The following SPAG16 variants were observed in gnomAD, a reference collection of about 807,000 sequenced individuals.
SPAG16 encodes sperm-associated antigen 16 protein.
In SPAG16, 86 loss-of-function variants were observed where a neutral mutation model predicts 80.4. That is an observed-to-expected ratio of 1.07 (90% CI 0.90 to 1.28). SPAG16 has a LOEUF of 1.28. Among genes scored for constraint, SPAG16 ranks in the 50% most tolerant of loss-of-function variants. The pLI, the probability that SPAG16 is intolerant of heterozygous loss-of-function variation, is 0.00. For synonymous variants in SPAG16, 294 were observed against 265.9 expected (o/e 1.11, Z -1.03); for missense variants, 870 against 765.3 (o/e 1.14, Z -1.61).
chr2:214,391,573 C>T (rs1380479891), intron 15 of SPAG16, among the ~76,000 whole-genome samples: 1 of 152,064 alleles, frequency 6.6e-6, no homozygotes, highest in Admixed American at 6.5e-5. Context: ...TAGAAACACA[C>T]AAGGCCAAAG....
At position 214,015,259 on chromosome 2, in the gene SPAG16, G is replaced by A. The variant is rs1467201458; in HGVS notation, c.1527+1182G>A. ...TCTCTTATCAGGCTAAAAGAGGAAG[G>A]GCAGTATCAGGTGGCTGGTTGATAT... is the stretch of plus-strand genomic sequence containing the variant. On this transcript the variant is annotated intron_variant, in intron 13 of 15. Coordinates refer to ENST00000331683, the MANE Select transcript of SPAG16 (RefSeq NM_024532.5). 3.3e-5 allele frequency among the ~76,000 whole-genome samples: 5 copies of A among 152,272 alleles called. No individual in the cohort carries two copies. The South Asian group carries it at 1.0e-3, about 32-fold the overall frequency.
intron 14 of SPAG16, among the ~76,000 whole-genome samples, chr2:214,143,851 A>G (rs1281433382): frequency 6.6e-6 from 1 of 152,168 alleles, no homozygotes. Flanking sequence ...TACTTGTACC[A>G]GTGACATATT....
chr2:213,826,007 T>C (rs944639197), intron 10 of SPAG16, among the ~76,000 whole-genome samples: 2 of 151,898 alleles, frequency 1.3e-5, no homozygotes, highest in African/African-American at 2.4e-5. Flanking sequence ...TCTAGGAACT[T>C]ATCCATTTCT....
chr2:214,349,949 C>A (rs916079330), intron 15 of SPAG16, among the ~76,000 whole-genome samples: 5 of 152,120 alleles, frequency 3.3e-5, no homozygotes, highest in Non-Finnish European at 5.9e-5. Context: ...GTCTCAGAAC[C>A]ATTCCTTTCT....
At chr2:214,002,482 CTG>C (rs2046837165) in intron 12 of SPAG16, among the ~76,000 whole-genome samples, 1 of 152,016 alleles carries the variant, frequency 6.6e-6, no homozygotes, top group African/African-American at 2.4e-5. Context: ...TAGATAAACA[CTG>C]TATTAATCAG....
chr2:213,992,462 A>G (rs1297836077), intron 12 of SPAG16, among the ~76,000 whole-genome samples: 1 of 152,182 alleles, frequency 6.6e-6, no homozygotes, highest in East Asian at 1.9e-4. Context: ...GATATATATT[A>G]CTGACTACAT....
At chr2:213,938,545 G>A (rs1226851274) in intron 12 of SPAG16, among the ~76,000 whole-genome samples, 1 of 151,848 alleles carries the variant, frequency 6.6e-6, no homozygotes, top group East Asian at 1.9e-4. Flanking sequence ...TTATTTATGT[G>A]TTATCTATGA....
At chr2:213,629,594 T>G (rs749083476) in intron 10 of SPAG16, among the ~76,000 whole-genome samples, 1 of 152,178 alleles carries the variant, frequency 6.6e-6, no homozygotes, top group Non-Finnish European at 1.5e-5. Flanking sequence ...TGAGTACAAT[T>G]TGCACTCATG....
chr2:213,740,916 A>G (rs183112656), intron 10 of SPAG16, among the ~76,000 whole-genome samples: 44 of 152,334 alleles, frequency 2.9e-4, no homozygotes, highest in Non-Finnish European at 7.4e-5. Context: ...ACTTTCAAAC[A>G]GATTAAAACA....
At chr2:213,493,607 G>T (rs1447461734) in intron 10 of SPAG16, among the ~76,000 whole-genome samples, 1 of 151,930 alleles carries the variant, frequency 6.6e-6, no homozygotes, top group Non-Finnish European at 1.5e-5. Flanking sequence ...ATGGAGTCTC[G>T]CTCTCTTGCC....
intron 10 of SPAG16, among the ~76,000 whole-genome samples, chr2:213,786,288 T>C (rs1424160834): frequency 2.0e-5 from 3 of 152,330 alleles, no homozygotes; most frequent in East Asian, 3.9e-4. Context: ...TAGAATTATA[T>C]GCTGTTTGCT....
At chr2:213,692,179 C>T (rs1055230313) in intron 10 of SPAG16, among the ~76,000 whole-genome samples, 18 of 151,982 alleles carry the variant, frequency 1.2e-4, no homozygotes, top group Non-Finnish European at 1.9e-4. Context: ...TTTGATGAAA[C>T]CAATCATAAT....
At chr2:213,709,360 C>G (rs2065887592) in intron 10 of SPAG16, among the ~76,000 whole-genome samples, 1 of 152,088 alleles carries the variant, frequency 6.6e-6, no homozygotes, top group South Asian at 2.1e-4. Flanking sequence ...ACAAGACATT[C>G]CCTTCGAGAT....
chr2:214,264,302 A>G (rs961211381), intron 15 of SPAG16, among the ~76,000 whole-genome samples: 11 of 152,332 alleles, frequency 7.2e-5, no homozygotes, highest in Non-Finnish European at 1.5e-4. Context: ...TCACGACTGC[A>G]TCTGCCTCTT....
chr2:214,296,893 C>T (rs539466005), intron 15 of SPAG16, among the ~76,000 whole-genome samples: 1 of 152,238 alleles, frequency 6.6e-6, no homozygotes, highest in South Asian at 2.1e-4. Flanking sequence ...TGAGTTTACA[C>T]GAGATTGTTT....
At chr2:213,547,812 T>C (rs1020767912) in intron 10 of SPAG16, among the ~76,000 whole-genome samples, 14 of 152,214 alleles carry the variant, frequency 9.2e-5, no homozygotes, top group African/African-American at 3.1e-4. Flanking sequence ...ACATTCTTAT[T>C]TGCCCTTATG....
chr2:213,633,098 T>C (rs79370332), intron 10 of SPAG16, among the ~76,000 whole-genome samples: 3,935 of 152,266 alleles, frequency 0.026, 72 homozygotes, highest in African/African-American at 0.046. Flanking sequence ...CATCAGGTCC[T>C]GGACTTTTCT....
chr2:214,280,652 G>C (rs1692853872), intron 15 of SPAG16: 1 of 282,790 alleles, frequency 3.5e-6, no homozygotes, highest in African/African-American at 2.3e-5. Context: ...TCAGTAGCCT[G>C]CCCCTGAGCT....
intron 11 of SPAG16, among the ~76,000 whole-genome samples, chr2:213,909,054 A>G (rs1314085219): frequency 2.6e-5 from 4 of 152,116 alleles, no homozygotes; most frequent in Non-Finnish European, 5.9e-5. Context: ...TCAATGTACA[A>G]AAATCACAAG....
Sources: gnomAD v4.1 joint callset for allele counts (sites outside exome capture counted in the v4.1 genomes callset) on GRCh38, gnomAD v4.1.1 for gene constraint, MANE v1.5 for transcripts, NCBI Gene and HGNC (gene_info 2026-07-23, HGNC 2026-07-21) for gene names.